The following SLC12A2 variants were observed in gnomAD, a reference collection of about 807,000 sequenced individuals.
SLC12A2 encodes the protein Na-K-2Cl cotransporter 1.
SLC12A2 carries 67 observed loss-of-function variants against 136.3 expected under a neutral mutation model. That is an observed-to-expected ratio of 0.49 (90% CI 0.40 to 0.60). The LOEUF (loss-of-function observed/expected upper bound fraction) is 0.60. Among genes scored for constraint, SLC12A2 ranks in the 20% least tolerant of loss-of-function variants. The pLI is 0.00. For missense variants in SLC12A2, 1,322 were observed against 1,534.7 expected, an observed-to-expected ratio of 0.86 and a Z score of 2.32; for synonymous variants, 619 against 562.9, an observed-to-expected ratio of 1.10 and a Z score of -1.41.
rs114199173 is a variant in SLC12A2 at position 128,086,928 on chromosome 5, T to C, written c.756+2218T>C. 3.1e-3 allele frequency among the ~76,000 whole-genome samples: 467 copies of C among 152,332 alleles called. 4 individuals are homozygous for C. The highest frequency in any genetic ancestry group is 0.011 in the African/African-American group (450 of 41,574). The stretch of plus-strand genomic sequence containing the variant: ...AGTGAATTATAATATTTAGAATTTT[T>C]ATAACACCTAATTCTAGCAGTCGAT... On this transcript the variant is annotated intron_variant, in intron 1 of 26. Transcript: ENST00000262461.
Position 128,158,071 on chromosome 5 carries a change from G to C in SLC12A2, c.2382G>C (p.Met794Ile), listed in dbSNP as rs755814892. The change falls in exon 16 of 27, where the codon ATG becomes ATC. Residue 794 changes from methionine to isoleucine, a missense_variant. Met to Ile is a conservative substitution (Grantham distance 10). Around this residue, in one of 8 missense-constraint regions of SLC12A2, gnomAD observed 294 missense variants for 436.6 expected, o/e 0.67. Transcript: ENST00000262461. ...AAATTAGGCCACAGTGTCTTGTTAT[G>C]ACAGGTGCTCCAAACTCACGTCCAG... ...VKNFRPQCLV[M>I]TGAPNSRPAL... 13 of 1,613,038 alleles carry C rather than the reference G, an allele frequency of 8.1e-6. No individual in the cohort carries two copies. In the South Asian group the frequency reaches 1.4e-4, roughly 18 times the overall value.
chr5:128,122,662 T>C (rs950303406), intron 4 of SLC12A2, among the ~76,000 whole-genome samples: 3 of 152,050 alleles, frequency 2.0e-5, no homozygotes, highest in African/African-American at 7.2e-5. Flanking sequence ...TTTTTGTAAA[T>C]AGATAAAGCC....
Position 128,186,901 on chromosome 5 carries a change from A to T in SLC12A2, c.*270A>T, listed in dbSNP as rs763168066. The T allele has an allele frequency of 3.4e-5, 10 of 293,682 alleles. No individual in the cohort carries two copies. Among genetic ancestry groups the T allele is most frequent in the Non-Finnish European group, 5.7e-5 (9 of 157,808 alleles). 18.2% of individuals were successfully genotyped at this position (293,682 alleles called of 1,614,324 possible). A position where few individuals can be genotyped will look rare whatever the true frequency, so the allele number is the denominator to read the frequency against. On this transcript the variant is annotated 3_prime_UTR_variant, in exon 27 of 27. Coordinates refer to ENST00000262461, the MANE Select transcript of SLC12A2 (RefSeq NM_001046.3). ...AGTTTTCCTTTGCTACTTGAATAGC[A>T]ATAAAAGCGTGTTAACTTTTTGATT...
intron 4 of SLC12A2, among the ~76,000 whole-genome samples, chr5:128,120,126 C>T (rs992329967): frequency 8.5e-5 from 13 of 152,232 alleles, no homozygotes; most frequent in African/African-American, 3.1e-4. Context: ...CATCACTGGC[C>T]ATCAGAGAAA....
At chr5:128,090,129 T>C (rs1327001680) in intron 1 of SLC12A2, among the ~76,000 whole-genome samples, 1 of 152,220 alleles carries the variant, frequency 6.6e-6, no homozygotes, top group Admixed American at 6.5e-5. Context: ...AGGTGTACAC[T>C]GACTGAAGTA....
rs184079750 is a variant in SLC12A2, at chr5:128,121,048, T to A, written c.1048+6367T>A. On this transcript the variant is annotated intron_variant, in intron 4 of 26. Coordinates refer to ENST00000262461, the MANE Select transcript of SLC12A2 (RefSeq NM_001046.3). ...TGTGAATTCAGTGAATTTTCCCTAG[T>A]GTTATGTACATTTTGCCATAGGAGA... Among the ~76,000 whole-genome samples, 628 of 152,266 alleles carry A rather than the reference T, an allele frequency of 4.1e-3. 2 individuals are homozygous for A. The highest frequency in any genetic ancestry group is 7.9e-3 in the Admixed American group (121 of 15,302).
intron 4 of SLC12A2, among the ~76,000 whole-genome samples, chr5:128,119,846 A>T (rs544685897): frequency 6.6e-6 from 1 of 152,216 alleles, no homozygotes; most frequent in Non-Finnish European, 1.5e-5. Context: ...ACAAAAGCCA[A>T]AATTGACAAA....
intron 10 of SLC12A2, among the ~76,000 whole-genome samples, chr5:128,143,840 G>A (rs538622174): frequency 5.9e-4 from 88 of 150,378 alleles, no homozygotes; most frequent in African/African-American, 2.0e-3. Flanking sequence ...CAATCTGTAA[G>A]TTTTACAATA....
At chr5:128,167,960 T>G in intron 18 of SLC12A2, 93 bp downstream of exon 18, 1 of 648,504 alleles carries the variant, frequency 1.5e-6, no homozygotes, top group Non-Finnish European at 2.5e-6. Flanking sequence ...TCTCATATAG[T>G]CTCTTGTAAT....
rs1463911920 is a variant in SLC12A2, at chr5:128,112,847, G to A, written c.790G>A (p.Glu264Lys). The change falls in exon 2 of 27, where the codon GAA becomes AAA. Residue 264 changes from glutamate to lysine, a missense_variant. Physicochemically the swap from Glu to Lys is moderately conservative, Grantham distance 56. Coordinates refer to ENST00000262461, the MANE Select transcript of SLC12A2 (RefSeq NM_001046.3). Reference protein sequence around the residue: ...PFEDGFANGEESTPTRDAVVT... With the variant: ...PFEDGFANGEKSTPTRDAVVT... ...TGAGGATGGCTTTGCAAATGGGGAA[G>A]AAAGTACTCCAACCAGAGATGCTGT... 6.2e-7 allele frequency: 1 copy of A among 1,612,146 alleles called. No individual in the cohort carries two copies. Among genetic ancestry groups the A allele is most frequent in the Non-Finnish European group, 8.5e-7 (1 of 1,178,878 alleles).
At chr5:128,180,320 T>C (rs1337926183) in intron 22 of SLC12A2, among the ~76,000 whole-genome samples, 1 of 152,114 alleles carries the variant, frequency 6.6e-6, no homozygotes, top group Non-Finnish European at 1.5e-5. Flanking sequence ...GGCTCAGTTT[T>C]ATTGTTTTGC....
At chr5:128,176,764 G>A (rs1402482006) in intron 20 of SLC12A2, among the ~76,000 whole-genome samples, 2 of 151,958 alleles carry the variant, frequency 1.3e-5, no homozygotes, top group African/African-American at 2.4e-5. Flanking sequence ...AATGTTTAAT[G>A]TCATATTTAT....
At chr5:128,111,343 G>T (rs1379615754) in intron 1 of SLC12A2, among the ~76,000 whole-genome samples, 1 of 152,172 alleles carries the variant, frequency 6.6e-6, no homozygotes, top group Non-Finnish European at 1.5e-5. Context: ...TAGCAATATT[G>T]CATTACATGG....
chr5:128,178,662 G>C lies in SLC12A2; in HGVS notation c.3073G>C (p.Asp1025His). ...FQKKQGKNTI[D>H]VWWLFDDGGL... ...GAAAAAACAAGGAAAGAATACTATT[G>C]ATGTCTGGTGGCTTTTTGATGATGG... Residue 1025 changes from aspartate to histidine, a missense_variant, in exon 22 of 27, where the codon GAT becomes CAT. Transcript: ENST00000262461. 1 of 1,579,372 alleles carries C rather than the reference G, an allele frequency of 6.3e-7. No individual in the cohort carries two copies. Among genetic ancestry groups the C allele is most frequent in the Non-Finnish European group, 8.6e-7 (1 of 1,166,656 alleles).
rs1388544988 is a variant in SLC12A2 at position 128,109,978 on chromosome 5, C to G, written c.757-2836C>G. The G allele has an allele frequency of 4.1e-6, 4 of 985,328 alleles. No individual in the cohort carries two copies. In the African/African-American group the frequency reaches 6.3e-5, roughly 16 times the overall value. The allele number at this position is 985,328 out of a possible 1,614,324, so 61.0% of individuals were successfully genotyped here. On this transcript the variant is annotated intron_variant, in intron 1 of 26. Coordinates refer to ENST00000262461, the MANE Select transcript of SLC12A2 (RefSeq NM_001046.3). ...ATTGCTCAGATTCAGAGAGATCTGG[C>G]ACATTTCCCTACTGTGGATCCAGAA...
chr5:128,181,472 CATGT>C (rs1024179177), intron 23 of SLC12A2, among the ~76,000 whole-genome samples: 1 of 152,114 alleles, frequency 6.6e-6, no homozygotes, highest in Non-Finnish European at 1.5e-5. Context: ...TGACCTGTAA[CATGT>C]ATATTGTACA....
intron 17 of SLC12A2, among the ~76,000 whole-genome samples, chr5:128,166,819 T>C (rs939634897): frequency 6.6e-6 from 1 of 152,062 alleles, no homozygotes; most frequent in African/African-American, 2.4e-5. Context: ...TTTTTATTTA[T>C]CTTTTGCTAC....
intron 1 of SLC12A2, chr5:128,109,601 G>A (rs925979577): frequency 2.7e-6 from 2 of 741,252 alleles, no homozygotes; most frequent in Non-Finnish European, 5.0e-6. Context: ...CAGGTTAAAA[G>A]CAGACATCGT....
intron 5 of SLC12A2, among the ~76,000 whole-genome samples, chr5:128,132,520 A>G (rs982808876): frequency 1.3e-5 from 2 of 152,224 alleles, no homozygotes; most frequent in Non-Finnish European, 2.9e-5. Flanking sequence ...AACCATGAGT[A>G]TATCCAAATA....
Sources: allele counts gnomAD v4.1 joint callset (sites outside exome capture counted in the v4.1 genomes callset), GRCh38; gene constraint gnomAD v4.1.1; regional missense constraint gnomAD v4.1.1; transcripts MANE v1.5; gene names NCBI Gene and HGNC (gene_info 2026-07-23, HGNC 2026-07-21).